The following GRID1 variants were observed in gnomAD, a reference collection of about 807,000 sequenced individuals.
The protein encoded by GRID1 is glutamate receptor ionotropic, delta-1.
In GRID1, 28 loss-of-function variants were observed where a neutral mutation model predicts 98.0. The observed-to-expected ratio is 0.29, with a 90% confidence interval of 0.21 to 0.39. The LOEUF is 0.39. Among genes scored for constraint, GRID1 ranks in the 10% least tolerant of loss-of-function variants. GRID1 has a pLI of 1.00. For missense variants in GRID1, 1,111 were observed against 1,340.5 expected, an observed-to-expected ratio of 0.83 and a Z score of 2.67; for synonymous variants, 553 against 538.5, an observed-to-expected ratio of 1.03 and a Z score of -0.37.
At chr10:86,251,180 C>T (rs1469509539) in intron 2 of GRID1, among the ~76,000 whole-genome samples, 5 of 151,552 alleles carry the variant, frequency 3.3e-5, no homozygotes, top group Non-Finnish European at 1.5e-5. Flanking sequence ...TCCCTAATCT[C>T]AACTACCCAG....
chr10:86,308,912 G>A (rs745846620), intron 2 of GRID1, among the ~76,000 whole-genome samples: 88 of 152,236 alleles, frequency 5.8e-4, no homozygotes, highest in South Asian at 1.5e-3. Flanking sequence ...GAGCCCTCAC[G>A]ACCTACTCGC....
intron 2 of GRID1, among the ~76,000 whole-genome samples, chr10:86,224,334 A>G (rs912631057): frequency 1.3e-5 from 2 of 152,148 alleles, no homozygotes; most frequent in African/African-American, 4.8e-5. Context: ...CTCCTCCCCC[A>G]GTACATTCTT....
At chr10:86,154,095 T>C (rs184554307) in intron 3 of GRID1, among the ~76,000 whole-genome samples, 9 of 152,090 alleles carry the variant, frequency 5.9e-5, no homozygotes, top group Admixed American at 3.3e-4. Context: ...ACAACTGGAC[T>C]AATAGTATGA....
chr10:85,695,145 A>G (rs528904546), intron 12 of GRID1, among the ~76,000 whole-genome samples: 1 of 152,352 alleles, frequency 6.6e-6, no homozygotes, highest in South Asian at 2.1e-4. Flanking sequence ...CACCTTGAAT[A>G]TGTCAACTTT....
intron 2 of GRID1, among the ~76,000 whole-genome samples, chr10:86,257,330 T>C (rs1295564211): frequency 1.3e-5 from 2 of 152,164 alleles, no homozygotes; most frequent in Non-Finnish European, 2.9e-5. Context: ...CTGCAGAGGA[T>C]ATTGATTGCT....
chr10:86,075,591 G>A (rs180673589), intron 4 of GRID1, among the ~76,000 whole-genome samples: 1 of 152,290 alleles, frequency 6.6e-6, no homozygotes, highest in Admixed American at 6.5e-5. Context: ...TGTTACAGCT[G>A]CCCTAGCAAA....
chr10:86,097,904 A>G (rs1014307902), intron 4 of GRID1, among the ~76,000 whole-genome samples: 2 of 152,264 alleles, frequency 1.3e-5, no homozygotes, highest in African/African-American at 4.8e-5. Context: ...TGAGAAAAAG[A>G]GACAGTAATA....
chr10:85,759,488 C>T (rs1345292304), intron 8 of GRID1, among the ~76,000 whole-genome samples: 4 of 152,190 alleles, frequency 2.6e-5, no homozygotes. Flanking sequence ...ACAACCAACT[C>T]CCTCTTGGAA....
intron 3 of GRID1, among the ~76,000 whole-genome samples, chr10:86,161,253 G>T (rs1845317340): frequency 6.6e-6 from 1 of 152,136 alleles, no homozygotes; most frequent in African/African-American, 2.4e-5. Context: ...GGAAATCCGG[G>T]GCCTGACATC....
chr10:86,206,404 C>G lies in GRID1; in HGVS notation c.480G>C (p.Leu160=). 1 of 1,610,228 alleles carries G rather than the reference C, an allele frequency of 6.2e-7. No homozygotes were observed. Among genetic ancestry groups the G allele is most frequent in the Non-Finnish European group, 8.5e-7 (1 of 1,176,814 alleles). ...NDVMLRLVTE[L]RWQKFVMFYD... ...AGAACATGACGAACTTCTGCCAGCG[C>G]AGCTCCGTCACCAGCCTGAGCATGA... Residue 160 remains leucine, a synonymous_variant, in exon 3 of 16, where the codon CTG becomes CTC. Transcript: ENST00000327946. The surrounding 1 kb of genome is among the most constrained non-coding windows in gnomAD (Gnocchi z 4.1).
chr10:86,164,773 G>T (rs1045719982), intron 3 of GRID1, among the ~76,000 whole-genome samples: 20 of 152,094 alleles, frequency 1.3e-4, no homozygotes, highest in African/African-American at 4.8e-4. Context: ...CTCCAGGACC[G>T]ATGGAAGCCA....
intron 2 of GRID1, among the ~76,000 whole-genome samples, chr10:86,209,510 G>T (rs1415733989): frequency 2.6e-5 from 4 of 152,118 alleles, no homozygotes; most frequent in Non-Finnish European, 5.9e-5. Flanking sequence ...AAATACCAGG[G>T]CACAAAATTA....
chr10:86,043,951 T>C (rs1171613029), intron 4 of GRID1, among the ~76,000 whole-genome samples: 3 of 152,222 alleles, frequency 2.0e-5, no homozygotes, highest in African/African-American at 7.2e-5. Flanking sequence ...TCTTTTAACA[T>C]GATCATTGAA....
At chr10:86,051,839 G>C (rs771785441) in intron 4 of GRID1, among the ~76,000 whole-genome samples, 2 of 152,210 alleles carry the variant, frequency 1.3e-5, no homozygotes, top group Non-Finnish European at 2.9e-5. Context: ...TTGCTGGTGG[G>C]AATATAAATT....
intron 8 of GRID1, among the ~76,000 whole-genome samples, chr10:85,853,134 A>C: frequency 6.8e-6 from 1 of 146,408 alleles, no homozygotes; most frequent in South Asian, 2.2e-4. Flanking sequence ...TCTGTCACTG[A>C]TGAGCTCTAC....
intron 4 of GRID1, among the ~76,000 whole-genome samples, chr10:86,060,415 G>T (rs781028517): frequency 1.3e-5 from 2 of 152,198 alleles, no homozygotes; most frequent in Non-Finnish European, 2.9e-5. Context: ...CCACAAGATA[G>T]ATCTGAACCC....
chr10:85,638,605 T>C (rs2132543319), intron 13 of GRID1, among the ~76,000 whole-genome samples: 1 of 152,214 alleles, frequency 6.6e-6, no homozygotes. Context: ...ACAAATTATT[T>C]TAATAATGGT....
intron 2 of GRID1, among the ~76,000 whole-genome samples, chr10:86,209,169 G>C (rs1846074601): frequency 6.6e-6 from 1 of 152,144 alleles, no homozygotes; most frequent in Admixed American, 6.5e-5. Context: ...AAAAGTGACT[G>C]CAATTTAGAA....
chr10:86,187,680 AG>A (rs947005199), intron 3 of GRID1, among the ~76,000 whole-genome samples: 35 of 152,202 alleles, frequency 2.3e-4, no homozygotes, highest in African/African-American at 8.4e-4. Context: ...GTTCCAGGGG[AG>A]GTATTTATAG....
Sources: allele counts gnomAD v4.1 joint callset (sites outside exome capture counted in the v4.1 genomes callset), GRCh38; gene constraint gnomAD v4.1.1; non-coding constraint Gnocchi (gnomAD v3.1); transcripts MANE v1.5; gene names NCBI Gene and HGNC (gene_info 2026-07-23, HGNC 2026-07-21).